Variants in HNMT observed in about 807,000 individuals in gnomAD.
HNMT encodes histamine N-methyltransferase.
HNMT carries 30 observed loss-of-function variants against 32.1 expected under a neutral mutation model. The observed-to-expected ratio is 0.93, with a 90% CI of 0.70 to 1.27. The LOEUF (loss-of-function observed/expected upper bound fraction) is 1.27. Ranked by LOEUF, HNMT falls within the 50% of genes most tolerant of loss-of-function variation. The pLI is 0.00. For synonymous variants in HNMT, 125 were observed against 119.0 expected, an observed-to-expected ratio of 1.05 and a Z score of -0.33; for missense variants, 327 against 346.0, an observed-to-expected ratio of 0.95 and a Z score of 0.43.
intron 2 of HNMT, among the ~76,000 whole-genome samples, chr2:137,978,151 TAAAAA>T (rs1323143182): frequency 6.6e-6 from 1 of 151,962 alleles, no homozygotes; most frequent in South Asian, 2.1e-4. Context: ...GAAATTAACT[TAAAAA>T]AGTAAGATTT....
intron 2 of HNMT, among the ~76,000 whole-genome samples, chr2:137,984,551 T>A (rs946949641): frequency 6.6e-6 from 1 of 152,242 alleles, no homozygotes; most frequent in Non-Finnish European, 1.5e-5. Context: ...TGGCATATAA[T>A]GGATCCTTAG....
At position 137,968,327 on chromosome 2, in the gene HNMT, A is replaced by C. The variant is rs183204963; in HGVS notation, c.138-1838A>C. ...TGAAATGGGATGAATAATAGTATCT[A>C]ACTCATAGAGGAATTTCAAGGATTC... On this transcript the variant is annotated intron_variant, in intron 1 of 5. Coordinates refer to ENST00000280097, the MANE Select transcript of HNMT (RefSeq NM_006895.3). 5.9e-3 allele frequency among the ~76,000 whole-genome samples: 900 copies of C among 152,336 alleles called. 6 individuals carry two copies. Among genetic ancestry groups the C allele is most frequent in the African/African-American group, 0.02 (848 of 41,564 alleles).
chr2:137,981,407 G>A, intron 2 of HNMT: 1 of 1,578,766 alleles, frequency 6.3e-7, no homozygotes, highest in Non-Finnish European at 8.7e-7. Context: ...CCTCTTTTAA[G>A]TGTCATCTTT....
At chr2:138,008,722 T>C (rs994993176) in intron 5 of HNMT, among the ~76,000 whole-genome samples, 3 of 152,002 alleles carry the variant, frequency 2.0e-5, no homozygotes, top group Non-Finnish European at 4.4e-5. Context: ...TGGCTAGCCA[T>C]ATGCAGAAGA....
chr2:137,973,433 G>T (rs1229362635), intron 2 of HNMT, among the ~76,000 whole-genome samples: 1 of 152,148 alleles, frequency 6.6e-6, no homozygotes, highest in Non-Finnish European at 1.5e-5. Flanking sequence ...GTGCCTGAGA[G>T]TTTTGTATTG....
chr2:137,988,964 G>A (rs1410055387), intron 2 of HNMT, among the ~76,000 whole-genome samples: 1 of 152,150 alleles, frequency 6.6e-6, no homozygotes, highest in East Asian at 1.9e-4. Context: ...TAAATTGACA[G>A]CAAGGTACAG....
Position 138,000,978 on chromosome 2 carries a change from A to G in HNMT, c.251A>G (p.Asn84Ser), listed in dbSNP as rs769884354. The stretch of plus-strand genomic sequence containing the variant: ...GCTCAATACCCAGGAGTTTGTATCA[A>G]CAATGAAGTTGTTGAGCCAAGTGCT... ...VQAQYPGVCI[N>S]NEVVEPSAEQ... The change falls in exon 3 of 6, where the codon AAC (asparagine) becomes AGC (serine). Residue 84 changes from asparagine (N) to serine (S), a missense_variant. Transcript: ENST00000280097. The G allele has an allele frequency of 6.2e-6, 10 of 1,609,814 alleles. No homozygotes were observed. The Admixed American group carries it at 1.7e-4, about 27-fold the overall frequency.
At position 137,970,934 on chromosome 2, in the gene HNMT, AAAGAAAGAAAGAAAG is replaced by A. The variant is rs755207065; in HGVS notation, c.190+720_190+734del. ...GACTACGTCTCAAAAAAAAAAAAAAAAAGAAAGAAAGAAAGAAAGAAAGAAAGAAAGAAAGAAAAA... is the reference window on the plus strand; with the variant it reads ...GACTACGTCTCAAAAAAAAAAAAAAAAAAGAAAGAAAGAAAGAAAGAAAAA... On this transcript the variant is annotated intron_variant, in intron 2 of 5. Transcript: ENST00000280097. 3.3e-3 allele frequency among the ~76,000 whole-genome samples: 88 copies of A among 26,858 alleles called. 12 individuals are homozygous for A. Among genetic ancestry groups the A allele is most frequent in the East Asian group, 6.7e-3 (6 of 894 alleles). 17.6% of individuals were successfully genotyped at this position (26,858 alleles called of 152,430 possible).
At chr2:137,980,732 T>A (rs1430944779) in intron 2 of HNMT, among the ~76,000 whole-genome samples, 1 of 152,188 alleles carries the variant, frequency 6.6e-6, no homozygotes, top group Non-Finnish European at 1.5e-5. Context: ...CCCTTTTGAC[T>A]AAGAATTTAT....
chr2:137,966,364 G>A (rs960518978), intron 1 of HNMT, among the ~76,000 whole-genome samples: 5 of 152,022 alleles, frequency 3.3e-5, no homozygotes, highest in Admixed American at 2.0e-4. Flanking sequence ...GTTATTTATG[G>A]AATTTTCTTT....
chr2:138,008,762 T>C (rs921913366), intron 5 of HNMT, among the ~76,000 whole-genome samples: 1 of 151,976 alleles, frequency 6.6e-6, no homozygotes, highest in African/African-American at 2.4e-5. Flanking sequence ...TTATACTATA[T>C]ACAAAAATCA....
chr2:137,983,397 A>C (rs540999919), intron 2 of HNMT, among the ~76,000 whole-genome samples: 2 of 152,284 alleles, frequency 1.3e-5, no homozygotes, highest in South Asian at 4.1e-4. Context: ...ACCAATCTGT[A>C]CATTTTTATT....
intron 5 of HNMT, among the ~76,000 whole-genome samples, chr2:138,010,160 T>C (rs569435042): frequency 6.6e-6 from 1 of 152,160 alleles, no homozygotes; most frequent in East Asian, 1.9e-4. Context: ...TCATGGTATA[T>C]AGGGAGGCAT....
At chr2:137,979,138 A>G (rs1680402642) in intron 2 of HNMT, among the ~76,000 whole-genome samples, 1 of 147,010 alleles carries the variant, frequency 6.8e-6, no homozygotes, top group Non-Finnish European at 1.5e-5. Flanking sequence ...ATAAAGTATA[A>G]TTTATGTTAT....
At chr2:137,982,472 A>T (rs1041462363) in intron 2 of HNMT, among the ~76,000 whole-genome samples, 7 of 152,230 alleles carry the variant, frequency 4.6e-5, no homozygotes, top group Non-Finnish European at 1.0e-4. Flanking sequence ...GAATGGAAAC[A>T]TGGGAATTAA....
At position 138,002,345 on chromosome 2, in the gene HNMT, T is replaced by C. The variant is rs1681199775; in HGVS notation, c.429+151T>C. On this transcript the variant is annotated intron_variant, in intron 4 of 5. Transcript: ENST00000280097. ...GACCATGATCTGCCCAAATAAAAGG[T>C]AAAGATGTTTATTATACTAAGATTC... 6 of 1,072,278 alleles carry C rather than the reference T, an allele frequency of 5.6e-6. No individual in the cohort carries two copies. The South Asian group carries it at 2.6e-4, about 46-fold the overall frequency. The allele number at this position is 1,072,278 out of a possible 1,614,324, so 66.4% of individuals were successfully genotyped here.
intron 3 of HNMT, among the ~76,000 whole-genome samples, chr2:138,001,612 C>T (rs886652899): frequency 2.0e-5 from 3 of 151,914 alleles, no homozygotes; most frequent in African/African-American, 2.4e-5. Flanking sequence ...AATATAATGA[C>T]GTGAAACATG....
chr2:137,988,063 G>A (rs1680703888), intron 2 of HNMT, among the ~76,000 whole-genome samples: 1 of 152,108 alleles, frequency 6.6e-6, no homozygotes, highest in South Asian at 2.1e-4. Flanking sequence ...AGGAAAGAGG[G>A]TAGAATGCAA....
At chr2:137,999,293 G>A (rs556198797) in intron 2 of HNMT, among the ~76,000 whole-genome samples, 2 of 152,290 alleles carry the variant, frequency 1.3e-5, no homozygotes, top group East Asian at 3.9e-4. Flanking sequence ...ATAAATGGCA[G>A]CTATAGTCAT....
Sources: allele counts gnomAD v4.1 joint callset (sites outside exome capture counted in the v4.1 genomes callset), GRCh38; gene constraint gnomAD v4.1.1; transcripts MANE v1.5; gene names NCBI Gene and HGNC (gene_info 2026-07-23, HGNC 2026-07-21).